The following DUS1L variants were observed in gnomAD, a reference collection of about 807,000 sequenced individuals.
DUS1L encodes dihydrouridine synthase 1 like, also known as tRNA-dihydrouridine(16/17) synthase [NAD(P)(+)]-like.
In DUS1L, 56 loss-of-function variants were observed where a neutral mutation model predicts 61.2. The observed-to-expected ratio is 0.92, with a 90% CI of 0.74 to 1.14. The LOEUF (loss-of-function observed/expected upper bound fraction) is 1.14, where lower values mean the gene tolerates loss of function less well. DUS1L is among the 50% of genes most tolerant of loss of function. The pLI is 0.00. For missense variants in DUS1L, 630 were observed against 632.4 expected, an observed-to-expected ratio of 1.00 and a Z score of 0.04; for synonymous variants, 278 against 259.5, an observed-to-expected ratio of 1.07 and a Z score of -0.69.
At chr17:82,059,683 G>A (rs75464118) in intron 11 of DUS1L, 744 of 505,964 alleles carry the variant, frequency 1.5e-3, no homozygotes, top group African/African-American at 0.012. Context: ...AGCTGTAGAC[G>A]AGCTTCACCT....
Position 82,058,144 on chromosome 17 carries a change from A to T in DUS1L, c.1393T>A (p.Ser465Thr). ...PAAPGTPGGF[S>T]EVMGSALA is the part of the protein sequence containing the mutation. Reference sequence around the variant, plus strand: ...GCCAGGGCACTGCCCATGACTTCGGAGAAGCCACCTGGTGTTCCAGGTGCT... The same window carrying T: ...GCCAGGGCACTGCCCATGACTTCGGTGAAGCCACCTGGTGTTCCAGGTGCT... Residue 465 changes from serine (S) to threonine (T), a missense_variant, in exon 14 of 14, where the codon TCC (serine) becomes ACC (threonine). By Grantham distance (58) the Ser-to-Thr change is moderately conservative. Coordinates refer to ENST00000306796, the MANE Select transcript of DUS1L (RefSeq NM_022156.5). The T allele has an allele frequency of 6.3e-7, 1 of 1,590,916 alleles. No homozygotes were observed. Among genetic ancestry groups the T allele is most frequent in the Non-Finnish European group, 8.6e-7 (1 of 1,164,260 alleles).
chr17:82,057,859 GTC>G lies in DUS1L; in HGVS notation c.*254_*255del. 2.7e-6 allele frequency: 1 copy of G among 367,520 alleles called. No homozygotes were observed. Among genetic ancestry groups the G allele is most frequent in the South Asian group, 7.2e-5 (1 of 13,824 alleles). 22.8% of individuals were successfully genotyped at this position (367,520 alleles called of 1,614,324 possible). A position where few individuals can be genotyped will look rare whatever the true frequency, so the allele number is the denominator to read the frequency against. Reference sequence around the variant, plus strand: ...CCTCCCTGGGTCTGAGAGGGCAGTGGTCACAGGCTGTGGGCTCTCGCATCTTT... The same window carrying G: ...CCTCCCTGGGTCTGAGAGGGCAGTGGACAGGCTGTGGGCTCTCGCATCTTT... On this transcript the variant is annotated 3_prime_UTR_variant, in exon 14 of 14. Coordinates refer to ENST00000306796, the MANE Select transcript of DUS1L (RefSeq NM_022156.5).
At chr17:82,061,752 GCCCGGAACAGCA>G in intron 6 of DUS1L, 31 bp from the exon 7 acceptor site, 1 of 1,609,226 alleles carries the variant, frequency 6.2e-7, no homozygotes, top group African/African-American at 1.3e-5. Flanking sequence ...GTTTCCACCC[GCCCGGAACAGCA>G]CCCAGGTGAT....
chr17:82,059,790 A>C, intron 11 of DUS1L, 158 bp downstream of exon 11: 1 of 1,045,710 alleles, frequency 9.6e-7, no homozygotes, highest in East Asian at 2.4e-5. Context: ...TCTGACCCCA[A>C]GTCTGGCTGA....
intron 5 of DUS1L, 86 bp downstream of exon 5, chr17:82,062,775 G>A: frequency 8.0e-7 from 1 of 1,242,396 alleles, no homozygotes; most frequent in South Asian, 1.2e-5. Flanking sequence ...GGTGCACGGT[G>A]TCTGGACACA....
chr17:82,058,737 C>G (rs770840231), intron 12 of DUS1L, 44 bp downstream of exon 12: 3 of 1,612,510 alleles, frequency 1.9e-6, no homozygotes, highest in Non-Finnish European at 2.5e-6. Context: ...CCTGCCCACC[C>G]CCAAAGCTGA....
In DUS1L at chr17:82,059,942, A is replaced by G. The variant is rs1274072943; in HGVS notation, c.1168+6T>C. ...TCTCGGGCCCATCAGCGGAAGCAGC[A>G]CTTACGCTTCAGAGAGGGGTCGAAG... On this transcript the variant is annotated splice_donor_region_variant and intron_variant, in intron 11 of 13. Transcript: ENST00000306796. 6.2e-7 allele frequency: 1 copy of G among 1,613,916 alleles called. No homozygotes were observed. The highest frequency in any genetic ancestry group is 8.5e-7 in the Non-Finnish European group (1 of 1,179,942).
At chr17:82,059,438 G>A in intron 11 of DUS1L, 1 of 166,954 alleles carries the variant, frequency 6.0e-6, no homozygotes, top group Non-Finnish European at 1.3e-5. Flanking sequence ...CCTGTTGAGG[G>A]CCCAGATGGG....
At chr17:82,063,258 T>C in intron 4 of DUS1L, 2 of 680,706 alleles carry the variant, frequency 2.9e-6, no homozygotes, top group South Asian at 3.6e-5. Flanking sequence ...GCACCTACTG[T>C]CTGGTTTTAA....
intron 11 of DUS1L, chr17:82,059,607 C>G (rs1249220861): frequency 3.3e-6 from 1 of 307,296 alleles, no homozygotes; most frequent in Non-Finnish European, 6.1e-6. Context: ...CAGCCTCCCT[C>G]TCAGCAGCTG....
Position 82,061,317 on chromosome 17 carries a change from C to T in DUS1L, c.734G>A (p.Arg245Gln), listed in dbSNP as rs369716083. 24 of 1,608,826 alleles carry T rather than the reference C, an allele frequency of 1.5e-5. No individual in the cohort carries two copies. Among genetic ancestry groups the T allele is most frequent in the African/African-American group, 8.0e-5 (6 of 74,862 alleles). Reference sequence around the variant, plus strand: ...GGCCAGCTCCCACACGGCAGGGCTCCGGCCCTCGAACAGGGCGGGGTTGTG... The same window carrying T: ...GGCCAGCTCCCACACGGCAGGGCTCTGGCCCTCGAACAGGGCGGGGTTGTG... ...NLHNPALFEG[R>Q]SPAVWELAEE... Residue 245 changes from arginine (R) to glutamine (Q), a missense_variant, in exon 8 of 14, where the codon CGG (arginine) becomes CAG (glutamine). Arg to Gln is a conservative substitution (Grantham distance 43). Coordinates refer to ENST00000306796, the MANE Select transcript of DUS1L (RefSeq NM_022156.5).
chr17:82,060,427 C>T, intron 10 of DUS1L: 2 of 586,228 alleles, frequency 3.4e-6, no homozygotes, highest in South Asian at 4.3e-5. Flanking sequence ...ATCAGAGGAG[C>T]TCAGAGAAGT....
intron 5 of DUS1L, 49 bp downstream of exon 5, chr17:82,062,812 G>A (rs369553348): frequency 3.2e-5 from 48 of 1,500,202 alleles, no homozygotes; most frequent in Non-Finnish European, 2.3e-5. Flanking sequence ...TGTCCTCTGC[G>A]CAAAGGCCCA....
At chr17:82,060,211 T>C (rs1338740900) in intron 10 of DUS1L, 118 bp from the exon 11 acceptor site, 4 of 1,212,718 alleles carry the variant, frequency 3.3e-6, no homozygotes, top group Non-Finnish European at 4.2e-6. Flanking sequence ...GCCGCTGCTG[T>C]GAGGAGTGCC....
At chr17:82,065,426 T>G in intron 1 of DUS1L, 187 bp downstream of exon 1, 22 of 210,888 alleles carry the variant, frequency 1.0e-4, no homozygotes, top group East Asian at 2.0e-4. Flanking sequence ...CCCCGGCCCC[T>G]TCCCGGGAGA....
At position 82,061,708 on chromosome 17, in the gene DUS1L, T is replaced by A; in HGVS notation, c.607A>T (p.Ile203Phe). The A allele has an allele frequency of 6.2e-7, 1 of 1,612,884 alleles. No homozygotes were observed. Among genetic ancestry groups the A allele is most frequent in the Non-Finnish European group, 8.5e-7 (1 of 1,179,856 alleles). The change falls in exon 7 of 14, where the codon ATC becomes TTC. Residue 203 changes from isoleucine to phenylalanine, a missense_variant. Transcript: ENST00000306796. Reference protein sequence around the residue: ...HIKAVRKAVAIPVFANGNIQC... With the variant: ...HIKAVRKAVAFPVFANGNIQC... ...ATGTTCCCGTTAGCAAACACAGGGA[T>A]GGCCACAGCCTTCCTGTTGGCAGAG...
chr17:82,061,573 G>A (rs1162810744), intron 7 of DUS1L, 45 bp downstream of exon 7: 2 of 1,579,530 alleles, frequency 1.3e-6, no homozygotes, highest in South Asian at 1.1e-5. Context: ...GGTGGTATCA[G>A]GCCGTGTGCA....
At chr17:82,059,855 C>A in intron 11 of DUS1L, 93 bp downstream of exon 11, 1 of 1,558,128 alleles carries the variant, frequency 6.4e-7, no homozygotes, top group Non-Finnish European at 8.8e-7. Context: ...TTGAGCCTTG[C>A]TGACCACAAG....
At position 82,060,678 on chromosome 17, in the gene DUS1L, C is replaced by A. The variant is rs759414224; in HGVS notation, c.1022+23G>T. 3 of 1,610,088 alleles carry A rather than the reference C, an allele frequency of 1.9e-6. No individual in the cohort carries two copies. In the Admixed American group the frequency reaches 5.0e-5, roughly 27 times the overall value. On this transcript the variant is annotated intron_variant, in intron 10 of 13. Coordinates refer to ENST00000306796, the MANE Select transcript of DUS1L (RefSeq NM_022156.5). The stretch of plus-strand genomic sequence containing the variant: ...GCCCACACCTTGGTGCACATCCCCG[C>A]CCAGGGCTGGCTGGGCTCTCACCCC...
Sources: gnomAD v4.1 joint callset for allele counts on GRCh38, gnomAD v4.1.1 for gene constraint, MANE v1.5 for transcripts, NCBI Gene and HGNC (gene_info 2026-07-23, HGNC 2026-07-21) for gene names.